Variants in SMURF1 observed in about 807,000 individuals in gnomAD.
The protein encoded by SMURF1 is E3 ubiquitin-protein ligase SMURF1.
In SMURF1, 44 loss-of-function variants were observed where a neutral mutation model predicts 98.0. That is an observed-to-expected ratio of 0.45 (90% confidence interval 0.35 to 0.58). The LOEUF (loss-of-function observed/expected upper bound fraction) is 0.58, where lower values mean the gene tolerates loss of function less well. Ranked by LOEUF, SMURF1 falls within the 20% of genes least tolerant of loss-of-function variation. SMURF1 has a pLI of 0.00. For missense variants in SMURF1, 687 were observed against 938.4 expected, an observed-to-expected ratio of 0.73 and a Z score of 3.50; for synonymous variants, 396 against 374.9, an observed-to-expected ratio of 1.06 and a Z score of -0.65.
rs1411102004 is a variant in SMURF1, at chr7:99,139,065, A to G, written c.55+4661T>C. Among the ~76,000 whole-genome samples, 4 of 152,210 alleles carry G rather than the reference A, an allele frequency of 2.6e-5. 1 individual carries two copies. The highest frequency in any genetic ancestry group is 4.4e-5 in the Non-Finnish European group (3 of 68,022). ...ACAAAAGTTTTGCCTGCCTCACATA[A>G]GTGAGGTTCTTAGCTGGTACAAATT... On this transcript the variant is annotated intron_variant, in intron 1 of 17. Coordinates refer to ENST00000361368, the MANE Select transcript of SMURF1 (RefSeq NM_181349.3).
intron 1 of SMURF1, among the ~76,000 whole-genome samples, chr7:99,101,912 C>T (rs1797090782): frequency 1.4e-5 from 2 of 147,438 alleles, no homozygotes; most frequent in South Asian, 2.1e-4. Context: ...CCAGCCTGGG[C>T]GACAGAGCAC....
chr7:99,122,496 T>A (rs141662594), intron 1 of SMURF1, among the ~76,000 whole-genome samples: 2,308 of 151,498 alleles, frequency 0.015, 48 homozygotes, highest in African/African-American at 0.05. Flanking sequence ...AATACAAAAT[T>A]AGCCAGGTGT....
At chr7:99,133,019 G>A (rs1306426464) in intron 1 of SMURF1, among the ~76,000 whole-genome samples, 4 of 152,052 alleles carry the variant, frequency 2.6e-5, no homozygotes. Flanking sequence ...CTCCAAGGAG[G>A]CTGGGGTGGT....
At chr7:99,075,222 G>A (rs1457422254) in intron 1 of SMURF1, among the ~76,000 whole-genome samples, 2 of 152,074 alleles carry the variant, frequency 1.3e-5, no homozygotes, top group South Asian at 2.1e-4. Context: ...AGGTTCAAGC[G>A]ATCCTCCCAC....
At chr7:99,138,426 G>A (rs1798043866) in intron 1 of SMURF1, among the ~76,000 whole-genome samples, 1 of 152,050 alleles carries the variant, frequency 6.6e-6, no homozygotes, top group African/African-American at 2.4e-5. Context: ...CTTAATCCAT[G>A]AGGAAATATT....
At chr7:99,101,823 T>C (rs1797088732) in intron 1 of SMURF1, among the ~76,000 whole-genome samples, 1 of 151,810 alleles carries the variant, frequency 6.6e-6, no homozygotes, top group Non-Finnish European at 1.5e-5. Flanking sequence ...GCCTGTAAGC[T>C]ATTGGGAAGG....
chr7:99,053,748 T>G (rs185884061), intron 6 of SMURF1, among the ~76,000 whole-genome samples: 3 of 152,286 alleles, frequency 2.0e-5, no homozygotes, highest in Admixed American at 6.5e-5. Context: ...TTTGTGATGT[T>G]GTTAGCAATT....
At chr7:99,073,400 T>G (rs867026913) in intron 1 of SMURF1, among the ~76,000 whole-genome samples, 1 of 149,146 alleles carries the variant, frequency 6.7e-6, no homozygotes. Context: ...AAGAAAAAAT[T>G]TGTCACAACA....
At chr7:99,117,002 A>C (rs925660010) in intron 1 of SMURF1, among the ~76,000 whole-genome samples, 3 of 152,214 alleles carry the variant, frequency 2.0e-5, no homozygotes, top group Admixed American at 6.5e-5. Context: ...GAGACATTAT[A>C]GATCAACAGG....
At chr7:99,045,307 C>T (rs1316095059) in intron 11 of SMURF1, among the ~76,000 whole-genome samples, 1 of 152,242 alleles carries the variant, frequency 6.6e-6, no homozygotes, top group African/African-American at 2.4e-5. Flanking sequence ...TTTACATGCA[C>T]AAATGCAATC....
chr7:99,132,893 T>C (rs1251088323), intron 1 of SMURF1, among the ~76,000 whole-genome samples: 2 of 152,020 alleles, frequency 1.3e-5, no homozygotes, highest in Non-Finnish European at 2.9e-5. Context: ...TGGAGGGCTT[T>C]AAGGAAGGAA....
chr7:99,112,561 C>G (rs1474533306), intron 1 of SMURF1, among the ~76,000 whole-genome samples: 1 of 152,026 alleles, frequency 6.6e-6, no homozygotes, highest in Non-Finnish European at 1.5e-5. Context: ...TTATAATATA[C>G]AAAAAATCCA....
intron 1 of SMURF1, among the ~76,000 whole-genome samples, chr7:99,062,457 G>A (rs1177246042): frequency 6.6e-6 from 1 of 152,118 alleles, no homozygotes; most frequent in East Asian, 1.9e-4. Context: ...TGTAAACTTT[G>A]ATATGTTGGA....
chr7:99,108,526 C>T (rs776264694), intron 1 of SMURF1, among the ~76,000 whole-genome samples: 4 of 141,562 alleles, frequency 2.8e-5, no homozygotes, highest in African/African-American at 1.0e-4. Context: ...GCAGGAGGAT[C>T]GCTTGAACCC....
At chr7:99,042,356 T>C (rs1795419239) in intron 11 of SMURF1, 124 bp from the exon 12 acceptor site, 1 of 610,086 alleles carries the variant, frequency 1.6e-6, no homozygotes. Flanking sequence ...CTTGGCTCAC[T>C]GCAACCTCTG....
chr7:99,065,843 C>T (rs1016007819), intron 1 of SMURF1, among the ~76,000 whole-genome samples: 6 of 151,946 alleles, frequency 3.9e-5, no homozygotes, highest in Non-Finnish European at 7.4e-5. Flanking sequence ...GTCAAGAGAT[C>T]GAGACCATCC....
intron 1 of SMURF1, among the ~76,000 whole-genome samples, chr7:99,140,479 G>A (rs1798093597): frequency 6.6e-6 from 1 of 151,912 alleles, no homozygotes; most frequent in Non-Finnish European, 1.5e-5. Flanking sequence ...CTAGAGACGA[G>A]GTTTCACTGT....
chr7:99,058,968 C>G (rs888589050), intron 3 of SMURF1, among the ~76,000 whole-genome samples: 1 of 152,152 alleles, frequency 6.6e-6, no homozygotes, highest in South Asian at 2.1e-4. Flanking sequence ...CCTGTAATCC[C>G]AGCTACTCGG....
intron 1 of SMURF1, among the ~76,000 whole-genome samples, chr7:99,132,826 A>G (rs1409265380): frequency 6.6e-6 from 1 of 152,144 alleles, no homozygotes; most frequent in African/African-American, 2.4e-5. Flanking sequence ...AGGCTGCCAG[A>G]GAGGAATATG....
Sources: gnomAD v4.1 joint callset for allele counts (sites outside exome capture counted in the v4.1 genomes callset) on GRCh38, gnomAD v4.1.1 for gene constraint, MANE v1.5 for transcripts, NCBI Gene and HGNC (gene_info 2026-07-23, HGNC 2026-07-21) for gene names.